Variants in CFAP299 observed in about 807,000 individuals in gnomAD.
CFAP299 encodes cilia and flagella associated protein 299.
CFAP299 carries 21 observed loss-of-function variants against 27.0 expected under a neutral mutation model. The ratio of observed to expected loss-of-function variants is 0.78; its 90% CI spans 0.55 to 1.12. The LOEUF (loss-of-function observed/expected upper bound fraction) is 1.12. CFAP299 is among the 50% of genes most tolerant of loss of function. The probability of loss-of-function intolerance (pLI) is 0.00; values close to 1 mark genes in which losing one functional copy is unlikely to be tolerated. For synonymous variants in CFAP299, 104 were observed against 98.1 expected, an observed-to-expected ratio of 1.06 and a Z score of -0.36; for missense variants, 310 against 276.6, an observed-to-expected ratio of 1.12 and a Z score of -0.86.
intron 2 of CFAP299, among the ~76,000 whole-genome samples, chr4:80,402,500 G>A (rs1008033757): frequency 2.6e-5 from 4 of 152,138 alleles, no homozygotes; most frequent in African/African-American, 4.8e-5. Context: ...CACCATGTAA[G>A]CATGCCTTTC....
chr4:80,903,164 T>A (rs1179247700), intron 4 of CFAP299, among the ~76,000 whole-genome samples: 1 of 152,076 alleles, frequency 6.6e-6, no homozygotes, highest in African/African-American at 2.4e-5. Flanking sequence ...CATCTTTTAT[T>A]TTGATGACTG....
At chr4:80,698,362 A>G (rs1721246572) in intron 3 of CFAP299, among the ~76,000 whole-genome samples, 1 of 152,202 alleles carries the variant, frequency 6.6e-6, no homozygotes. Flanking sequence ...AATCTAGCCC[A>G]GTGTCTAGCA....
Position 80,925,609 on chromosome 4 carries a change from G to A in CFAP299, c.477-19201G>A, listed in dbSNP as rs114156882. On this transcript the variant is annotated intron_variant, in intron 4 of 5. Transcript: ENST00000358105. ...ATATATGATACTGACAAATGAAAGA[G>A]GAGGCAGATTATTTGGTACAAGTGT... Among the ~76,000 whole-genome samples the A allele has an allele frequency of 5.6e-3, 850 of 152,060 alleles. 5 individuals carry two copies. Among genetic ancestry groups the A allele is most frequent in the Non-Finnish European group, 9.3e-3 (632 of 67,926 alleles).
intron 2 of CFAP299, among the ~76,000 whole-genome samples, chr4:80,477,254 G>C (rs1411473965): frequency 6.6e-6 from 1 of 152,034 alleles, no homozygotes; most frequent in Non-Finnish European, 1.5e-5. Context: ...TAGAGACAGG[G>C]TTTCTGTATG....
At chr4:80,337,334 T>G (rs547677692) in intron 1 of CFAP299, among the ~76,000 whole-genome samples, 1 of 152,298 alleles carries the variant, frequency 6.6e-6, no homozygotes, top group East Asian at 1.9e-4. Flanking sequence ...CATGTGAGTA[T>G]GGACCTAAAA....
rs571523934 is a variant in CFAP299 at position 80,692,012 on chromosome 4, G to C, written c.333+108829G>C. Among the ~76,000 whole-genome samples the C allele has an allele frequency of 4.6e-3, 700 of 152,160 alleles. 5 individuals carry two copies. The highest frequency in any genetic ancestry group is 0.02 in the Middle Eastern group (6 of 294). The stretch of plus-strand genomic sequence containing the variant: ...GGGATGTGAAGGACCTCTTCAAGGA[G>C]AACTACAAACCACTGCTCAAGGAAA... On this transcript the variant is annotated intron_variant, in intron 3 of 5. Transcript: ENST00000358105.
At chr4:80,461,890 C>T (rs1729457354) in intron 2 of CFAP299, among the ~76,000 whole-genome samples, 1 of 152,120 alleles carries the variant, frequency 6.6e-6, no homozygotes, top group South Asian at 2.1e-4. Flanking sequence ...TATGAACTTC[C>T]TCAAACTCCT....
chr4:80,529,026 T>A (rs1178904663), intron 2 of CFAP299, among the ~76,000 whole-genome samples: 9 of 152,178 alleles, frequency 5.9e-5, no homozygotes, highest in Admixed American at 2.6e-4. Context: ...TTCTATAGCT[T>A]CTTTACTTGC....
intron 1 of CFAP299, among the ~76,000 whole-genome samples, chr4:80,346,914 G>A (rs991314157): frequency 2.0e-5 from 3 of 152,168 alleles, no homozygotes; most frequent in Non-Finnish European, 2.9e-5. Flanking sequence ...ATCATGGAAT[G>A]TTCTTCCATT....
At chr4:80,577,471 T>C (rs1578624307) in intron 2 of CFAP299, among the ~76,000 whole-genome samples, 1 of 147,372 alleles carries the variant, frequency 6.8e-6, no homozygotes, top group African/African-American at 2.5e-5. Context: ...GGTATGATCT[T>C]GGTTCACTGC....
At chr4:80,510,333 G>C (rs1382735354) in intron 2 of CFAP299, among the ~76,000 whole-genome samples, 3 of 152,268 alleles carry the variant, frequency 2.0e-5, no homozygotes, top group Middle Eastern at 3.4e-3. Context: ...CCATCTTCTA[G>C]CTGCTGTGAG....
chr4:80,579,809 G>A (rs962614931), intron 2 of CFAP299, among the ~76,000 whole-genome samples: 9 of 151,988 alleles, frequency 5.9e-5, no homozygotes, highest in African/African-American at 1.4e-4. Flanking sequence ...TAGATACATT[G>A]TAGACATATA....
chr4:80,386,924 A>G (rs1219827625), intron 2 of CFAP299: 1 of 841,382 alleles, frequency 1.2e-6, no homozygotes, highest in Non-Finnish European at 2.1e-6. Context: ...AGTGGTTGTG[A>G]GCGCGCAGTT....
intron 4 of CFAP299, among the ~76,000 whole-genome samples, chr4:80,878,541 T>G (rs563108988): frequency 6.6e-6 from 1 of 152,246 alleles, no homozygotes; most frequent in Non-Finnish European, 1.5e-5. Flanking sequence ...AAAAGATATA[T>G]TTTCCTTTTT....
At chr4:80,794,890 A>G (rs1649905462) in intron 3 of CFAP299, among the ~76,000 whole-genome samples, 1 of 152,168 alleles carries the variant, frequency 6.6e-6, no homozygotes, top group African/African-American at 2.4e-5. Flanking sequence ...TTGAGGGCTC[A>G]GTGTTGGTAT....
intron 4 of CFAP299, among the ~76,000 whole-genome samples, chr4:80,898,299 A>G (rs1734712268): frequency 6.6e-6 from 1 of 151,950 alleles, no homozygotes; most frequent in Non-Finnish European, 1.5e-5. Context: ...CAGGATGGCA[A>G]TCCTCCCCCA....
chr4:80,329,208 C>CATATATATATAT, the CFAP299 span, among the ~76,000 whole-genome samples: 2,085 of 135,930 alleles, frequency 0.015, 77 homozygotes, highest in African/African-American at 0.049. Flanking sequence ...ACACTGTATA[C>CATATATATATAT]ATATATATAT....
intron 3 of CFAP299, among the ~76,000 whole-genome samples, chr4:80,838,349 C>T (rs781475760): frequency 3.4e-4 from 51 of 152,134 alleles, no homozygotes; most frequent in Admixed American, 7.9e-4. Flanking sequence ...TGCTTATGTC[C>T]TTAATGGTAT....
chr4:80,481,564 A>T lies in CFAP299; in HGVS notation c.243-101529A>T, dbSNP rs190927238. On this transcript the variant is annotated intron_variant, in intron 2 of 5. Coordinates refer to ENST00000358105, the MANE Select transcript of CFAP299 (RefSeq NM_152770.3). ...TTTCTTGCGAGAATTTGGATTACTC[A>T]CTGTAGCCACCAAATGCTGATAAAA... 2.3e-3 allele frequency among the ~76,000 whole-genome samples: 347 copies of T among 152,136 alleles called. 2 individuals carry two copies. Among genetic ancestry groups the T allele is most frequent in the African/African-American group, 7.6e-3 (315 of 41,562 alleles).
Sources: gnomAD v4.1 joint callset for allele counts (sites outside exome capture counted in the v4.1 genomes callset) on GRCh38, gnomAD v4.1.1 for gene constraint, MANE v1.5 for transcripts, NCBI Gene and HGNC (gene_info 2026-07-23, HGNC 2026-07-21) for gene names.